The following ENOPH1 variants were observed in gnomAD, a reference collection of about 807,000 sequenced individuals.
ENOPH1 encodes enolase-phosphatase E1.
In ENOPH1, 14 loss-of-function variants were observed where a neutral mutation model predicts 31.1. The ratio of observed to expected loss-of-function variants is 0.45; its 90% confidence interval spans 0.30 to 0.70. The LOEUF is 0.70. ENOPH1 is among the 30% of genes least tolerant of loss of function. The probability of loss-of-function intolerance (pLI) is 0.09; values close to 1 mark genes in which losing one functional copy is unlikely to be tolerated. For missense variants in ENOPH1, 243 were observed against 321.5 expected (o/e 0.76, Z 1.87); for synonymous variants, 127 against 123.2 (o/e 1.03, Z -0.21).
In ENOPH1 at chr4:82,430,690, C is replaced by T. The variant is rs1346207657; in HGVS notation, c.-140C>T. On this transcript the variant is annotated 5_prime_UTR_variant, in exon 1 of 6. Coordinates refer to ENST00000273920, the MANE Select transcript of ENOPH1 (RefSeq NM_021204.5). Reference sequence around the variant, plus strand: ...AGAAGTGTCCTCTCCCCACGCGCGGCGGGCTGCACTTGGTCGCTGGCTCCG... The same window carrying T: ...AGAAGTGTCCTCTCCCCACGCGCGGTGGGCTGCACTTGGTCGCTGGCTCCG... 2 of 688,534 alleles carry T rather than the reference C, an allele frequency of 2.9e-6. No homozygotes were observed. Among genetic ancestry groups the T allele is most frequent in the South Asian group, 1.8e-5 (1 of 55,628 alleles). The allele number at this position is 688,534 out of a possible 1,614,324, so 42.7% of individuals were successfully genotyped here. A position where few individuals can be genotyped will look rare whatever the true frequency, so the allele number is the denominator to read the frequency against.
chr4:82,443,494 C>T (rs929617140), intron 1 of ENOPH1, among the ~76,000 whole-genome samples: 5 of 151,784 alleles, frequency 3.3e-5, no homozygotes, highest in Non-Finnish European at 5.9e-5. Flanking sequence ...TTTGGGAGGC[C>T]GAGGCTGGCA....
chr4:82,439,838 A>G (rs1371752505), intron 1 of ENOPH1, among the ~76,000 whole-genome samples: 1 of 152,158 alleles, frequency 6.6e-6, no homozygotes, highest in Non-Finnish European at 1.5e-5. Flanking sequence ...GTGGAGTTTG[A>G]GAGAAAGAGG....
At chr4:82,434,770 G>A (rs1354448356) in intron 1 of ENOPH1, among the ~76,000 whole-genome samples, 2 of 152,104 alleles carry the variant, frequency 1.3e-5, no homozygotes, top group Non-Finnish European at 2.9e-5. Flanking sequence ...AGCTGGGCAT[G>A]GTGGCGCACA....
At chr4:82,456,614 G>A (rs1419676369) in intron 4 of ENOPH1, among the ~76,000 whole-genome samples, 1 of 152,160 alleles carries the variant, frequency 6.6e-6, no homozygotes, top group Non-Finnish European at 1.5e-5. Context: ...ATCTTTAAGG[G>A]TAGGATGTAG....
At chr4:82,441,637 A>G (rs13101308) in intron 1 of ENOPH1, among the ~76,000 whole-genome samples, 16,704 of 151,378 alleles carry the variant, frequency 0.11, 2,283 homozygotes, top group African/African-American at 0.33. Context: ...GCATCTCAAA[A>G]TAAAATAAAA....
At chr4:82,443,544 T>C (rs376973376) in intron 1 of ENOPH1, among the ~76,000 whole-genome samples, 5,483 of 145,106 alleles carry the variant, frequency 0.038, 135 homozygotes, top group Admixed American at 0.053. Flanking sequence ...CTGGTTAACA[T>C]GGTGAAACCC....
intron 2 of ENOPH1, 77 bp downstream of exon 2, chr4:82,448,098 A>G (rs566078471): frequency 2.3e-4 from 228 of 974,490 alleles, no homozygotes; most frequent in Non-Finnish European, 3.2e-4. Flanking sequence ...TGCTCTGAGC[A>G]TTTTGTAAAA....
chr4:82,430,786 C>T lies in ENOPH1; in HGVS notation c.-44C>T. On this transcript the variant is annotated 5_prime_UTR_variant, in exon 1 of 6. Coordinates refer to ENST00000273920, the MANE Select transcript of ENOPH1 (RefSeq NM_021204.5). Reference sequence around the variant, plus strand: ...CAGCCGCAGCCGGCGCCGCCCTCCGCCCTCCCCAACAGCAGGCCGAGTCCC... The same window carrying T: ...CAGCCGCAGCCGGCGCCGCCCTCCGTCCTCCCCAACAGCAGGCCGAGTCCC... 3.2e-6 allele frequency: 5 copies of T among 1,582,830 alleles called. No individual in the cohort carries two copies. The highest frequency in any genetic ancestry group is 1.1e-5 in the South Asian group (1 of 90,416).
intron 3 of ENOPH1, 119 bp downstream of exon 3, chr4:82,451,364 CT>C: frequency 2.1e-6 from 2 of 962,574 alleles, no homozygotes; most frequent in Non-Finnish European, 3.1e-6. Context: ...AATCCACACT[CT>C]TTTTAGTCTA....
chr4:82,447,007 A>G (rs1050705127), intron 1 of ENOPH1, among the ~76,000 whole-genome samples: 3 of 148,682 alleles, frequency 2.0e-5, no homozygotes, highest in African/African-American at 5.0e-5. Context: ...CGCCTGGCCA[A>G]CGGAATCTTA....
At chr4:82,451,862 G>C (rs866667060) in intron 3 of ENOPH1, among the ~76,000 whole-genome samples, 1 of 151,862 alleles carries the variant, frequency 6.6e-6, no homozygotes, top group Non-Finnish European at 1.5e-5. Flanking sequence ...GCTCACTGCA[G>C]CCTTGACCTC....
rs200959761 is a variant in ENOPH1 at position 82,451,062 on chromosome 4, T to G, written c.206T>G (p.Leu69Arg). The change falls in exon 3 of 6, where the codon CTG becomes CGG. Residue 69 changes from leucine (L) to arginine (R), a missense_variant. Physicochemically the swap from Leu to Arg is moderately radical, Grantham distance 102. Coordinates refer to ENST00000273920, the MANE Select transcript of ENOPH1 (RefSeq NM_021204.5). ...LRKQAEEDAH[L>R]DGAVPIPAAS... ...TTAAAGGCTGAAGAGGACGCCCACC[T>G]GGATGGGGCTGTTCCTATCCCTGCA... 5 of 1,614,036 alleles carry G rather than the reference T, an allele frequency of 3.1e-6. No individual in the cohort carries two copies. The highest frequency in any genetic ancestry group is 1.3e-5 in the African/African-American group (1 of 75,044).
At chr4:82,432,737 T>G (rs1306478389) in intron 1 of ENOPH1, among the ~76,000 whole-genome samples, 1 of 152,182 alleles carries the variant, frequency 6.6e-6, no homozygotes, top group Non-Finnish European at 1.5e-5. Context: ...CTTCCGGGGT[T>G]CAAGCGATTC....
intron 4 of ENOPH1, 107 bp from the exon 5 acceptor site, chr4:82,456,808 A>T: frequency 1.4e-6 from 2 of 1,392,902 alleles, no homozygotes; most frequent in Non-Finnish European, 1.9e-6. Flanking sequence ...ATTTTCAGAA[A>T]ATACTGAACG....
chr4:82,454,740 T>G lies in ENOPH1; in HGVS notation c.408T>G (p.Val136=). 6.2e-7 allele frequency: 1 copy of G among 1,613,582 alleles called. No homozygotes were observed. Among genetic ancestry groups the G allele is most frequent in the East Asian group, 2.2e-5 (1 of 44,862 alleles). Reference sequence around the variant, plus strand: ...CCTCTAGGTTCTTTGCAGATGTAGTTCCAGCAGTCAGGAAGTGGAGAGAGG... The same window carrying G: ...CCTCTAGGTTCTTTGCAGATGTAGTGCCAGCAGTCAGGAAGTGGAGAGAGG... The part of the protein sequence containing the change: ...RMKAEFFADV[V]PAVRKWREAG... Residue 136 remains valine (V), a synonymous_variant, in exon 4 of 6, where the codon GTT becomes GTG. Transcript: ENST00000273920.
intron 1 of ENOPH1, among the ~76,000 whole-genome samples, chr4:82,431,116 G>C (rs1181914349): frequency 2.0e-5 from 3 of 152,184 alleles, no homozygotes; most frequent in Admixed American, 2.0e-4. Flanking sequence ...TCCCTCCCCC[G>C]CCCTTGCGCT....
At chr4:82,455,503 G>A (rs113413336) in intron 4 of ENOPH1, among the ~76,000 whole-genome samples, 2,336 of 152,126 alleles carry the variant, frequency 0.015, 59 homozygotes, top group African/African-American at 0.053. Flanking sequence ...TTTACCGGCC[G>A]GGCGCAGTGG....
At chr4:82,434,716 AAAAAG>A (rs951742782) in intron 1 of ENOPH1, among the ~76,000 whole-genome samples, 16 of 152,102 alleles carry the variant, frequency 1.1e-4, no homozygotes, top group African/African-American at 3.4e-4. Flanking sequence ...GCTGTCTCAA[AAAAAG>A]AAAAGAAAAG....
intron 1 of ENOPH1, among the ~76,000 whole-genome samples, chr4:82,443,466 C>T (rs1370774401): frequency 4.0e-5 from 6 of 150,438 alleles, no homozygotes; most frequent in Admixed American, 2.6e-4. Flanking sequence ...CGGTGGCTCA[C>T]GCTTGTAATC....
Sources: allele counts gnomAD v4.1 joint callset (sites outside exome capture counted in the v4.1 genomes callset), GRCh38; gene constraint gnomAD v4.1.1; transcripts MANE v1.5; gene names NCBI Gene and HGNC (gene_info 2026-07-23, HGNC 2026-07-21).